Variants in COMMD10 observed in about 807,000 individuals in gnomAD.
The protein encoded by COMMD10 is COMM domain-containing protein 10.
Under a neutral mutation model 28.9 loss-of-function variants are expected in COMMD10, and 33 were observed. That is an observed-to-expected ratio of 1.14 (90% CI 0.87 to 1.53). The LOEUF (loss-of-function observed/expected upper bound fraction) is 1.53, where lower values mean the gene tolerates loss of function less well. Ranked by LOEUF, COMMD10 falls within the 40% of genes most tolerant of loss-of-function variation. The pLI is 0.00. For synonymous variants in COMMD10, 110 were observed against 81.7 expected (o/e 1.35, Z -1.87); for missense variants, 310 against 233.4 (o/e 1.33, Z -2.14).
At chr5:116,253,452 T>A (rs1262259151) in intron 5 of COMMD10, among the ~76,000 whole-genome samples, 1 of 151,400 alleles carries the variant, frequency 6.6e-6, no homozygotes, top group African/African-American at 2.4e-5. Context: ...ATAGCTCTTA[T>A]TATTTTGAAA....
intron 5 of COMMD10, among the ~76,000 whole-genome samples, chr5:116,152,320 A>T (rs192433697): frequency 2.6e-5 from 4 of 152,116 alleles, no homozygotes; most frequent in African/African-American, 9.7e-5. Flanking sequence ...CTAATATTCT[A>T]TTGTAGGCTA....
intron 4 of COMMD10, among the ~76,000 whole-genome samples, chr5:116,130,371 T>C (rs993581316): frequency 2.6e-5 from 4 of 151,934 alleles, no homozygotes; most frequent in Admixed American, 2.0e-4. Context: ...GTGAGGCAAG[T>C]AGTGACACAG....
chr5:116,159,309 C>T (rs954893531), intron 5 of COMMD10, among the ~76,000 whole-genome samples: 1 of 152,210 alleles, frequency 6.6e-6, no homozygotes, highest in African/African-American at 2.4e-5. Context: ...TTTCCTGACA[C>T]TCCAAAATGC....
chr5:116,235,500 C>T (rs1038229249), intron 5 of COMMD10, among the ~76,000 whole-genome samples: 2 of 152,168 alleles, frequency 1.3e-5, no homozygotes, highest in African/African-American at 2.4e-5. Flanking sequence ...TTTTCTCCCT[C>T]ATTTAATTGG....
Position 116,085,033 on chromosome 5 carries a change from G to T in COMMD10, c.-20G>T. 6.2e-7 allele frequency: 1 copy of T among 1,603,652 alleles called. No homozygotes were observed. Among genetic ancestry groups the T allele is most frequent in the Non-Finnish European group, 8.5e-7 (1 of 1,176,894 alleles). On this transcript the variant is annotated 5_prime_UTR_variant, in exon 1 of 7. Transcript: ENST00000274458. ...GGTTCGGCGCAGCTAACAGACGGCG[G>T]CAGTGCGAGAAAGCCGAAGATGGCG...
At chr5:116,215,464 G>A (rs1206735755) in intron 5 of COMMD10, among the ~76,000 whole-genome samples, 1 of 151,456 alleles carries the variant, frequency 6.6e-6, no homozygotes, top group African/African-American at 2.4e-5. Flanking sequence ...CAAGGCTGGT[G>A]GATCATGAGG....
In COMMD10 at chr5:116,198,650, C is replaced by T. The variant is rs532951476; in HGVS notation, c.510+64472C>T. 1.1e-4 allele frequency among the ~76,000 whole-genome samples: 16 copies of T among 152,222 alleles called. No homozygotes were observed. The East Asian group carries it at 1.9e-3, about 18-fold the overall frequency. ...ATCATATACCATAATTTCTACTACA[C>T]GGAAAATCCTCTACAGTCCTGTTTT... On this transcript the variant is annotated intron_variant, in intron 5 of 6. Transcript: ENST00000274458.
chr5:116,136,156 C>G (rs1408881533), intron 5 of COMMD10, among the ~76,000 whole-genome samples: 1 of 152,116 alleles, frequency 6.6e-6, no homozygotes, highest in Non-Finnish European at 1.5e-5. Context: ...TACCTCTTCC[C>G]TTGTTCCTTG....
chr5:116,181,976 T>C (rs1222991523), intron 5 of COMMD10, among the ~76,000 whole-genome samples: 1 of 152,078 alleles, frequency 6.6e-6, no homozygotes, highest in Non-Finnish European at 1.5e-5. Context: ...TTAGGGGACA[T>C]ATATATGAAC....
intron 5 of COMMD10, among the ~76,000 whole-genome samples, chr5:116,224,534 A>C (rs1056225916): frequency 1.3e-5 from 2 of 152,184 alleles, no homozygotes; most frequent in African/African-American, 2.4e-5. Context: ...TTGGCATATC[A>C]CATGGTGAGA....
intron 5 of COMMD10, among the ~76,000 whole-genome samples, chr5:116,232,457 C>T (rs548768037): frequency 4.6e-5 from 7 of 152,168 alleles, no homozygotes; most frequent in Non-Finnish European, 7.4e-5. Flanking sequence ...GTACTCTTCA[C>T]GTGAAAAGGA....
chr5:116,102,159 G>A (rs566285702), intron 4 of COMMD10, among the ~76,000 whole-genome samples: 5 of 152,152 alleles, frequency 3.3e-5, no homozygotes, highest in East Asian at 1.9e-4. Context: ...AAGAGTTTTC[G>A]CTAGGTTTCT....
chr5:116,292,518 G>C lies in COMMD10; in HGVS notation c.*29G>C, dbSNP rs760274213. On this transcript the variant is annotated 3_prime_UTR_variant, in exon 7 of 7. Transcript: ENST00000274458. ...TTTCGAAGACTGTTTTTTTCATCAC[G>C]CTCCTGCCACCTCATTATTTTGCAT... 1.3e-6 allele frequency: 2 copies of C among 1,557,136 alleles called. No individual in the cohort carries two copies.
At chr5:116,151,565 T>G (rs1752529809) in intron 5 of COMMD10, among the ~76,000 whole-genome samples, 1 of 152,182 alleles carries the variant, frequency 6.6e-6, no homozygotes. Context: ...GAGAGTCAAC[T>G]TCTTCCTGGT....
intron 5 of COMMD10, among the ~76,000 whole-genome samples, chr5:116,188,076 T>A (rs1480923833): frequency 6.6e-6 from 1 of 152,180 alleles, no homozygotes; most frequent in Non-Finnish European, 1.5e-5. Flanking sequence ...TCTGTTAGTT[T>A]CCAGTAACTA....
chr5:116,091,831 T>C (rs1172503594), intron 3 of COMMD10, among the ~76,000 whole-genome samples: 1 of 152,226 alleles, frequency 6.6e-6, no homozygotes. Context: ...TCCTCATAAA[T>C]TCCTGTTGAT....
intron 4 of COMMD10, among the ~76,000 whole-genome samples, chr5:116,108,924 T>A (rs1750941591): frequency 6.6e-6 from 1 of 152,110 alleles, no homozygotes; most frequent in African/African-American, 2.4e-5. Context: ...TACAGTCTCT[T>A]ACGGCTTCCC....
intron 5 of COMMD10, among the ~76,000 whole-genome samples, chr5:116,177,738 T>C (rs916614569): frequency 4.6e-5 from 7 of 152,154 alleles, no homozygotes; most frequent in Non-Finnish European, 8.8e-5. Context: ...CTATCAATCC[T>C]TTAAAACTTA....
At chr5:116,099,611 C>T (rs933067893) in intron 4 of COMMD10, among the ~76,000 whole-genome samples, 4 of 152,140 alleles carry the variant, frequency 2.6e-5, no homozygotes, top group African/African-American at 4.8e-5. Flanking sequence ...CACTTGCTGT[C>T]TCTTGTCTTT....
Sources: allele counts gnomAD v4.1 joint callset (sites outside exome capture counted in the v4.1 genomes callset), GRCh38; gene constraint gnomAD v4.1.1; transcripts MANE v1.5; gene names NCBI Gene and HGNC (gene_info 2026-07-23, HGNC 2026-07-21).